The following MYZAP variants were observed in gnomAD, a reference collection of about 807,000 sequenced individuals.
MYZAP encodes the protein myocardial zonula adherens protein.
MYZAP carries 66 observed loss-of-function variants against 69.4 expected under a neutral mutation model. The ratio of observed to expected loss-of-function variants is 0.95; its 90% CI spans 0.78 to 1.17. The LOEUF is 1.17. MYZAP is among the 50% of genes most tolerant of loss of function. MYZAP has a pLI of 0.00. For missense variants in MYZAP, 611 were observed against 556.2 expected, an observed-to-expected ratio of 1.10 and a Z score of -0.99; for synonymous variants, 256 against 205.9, an observed-to-expected ratio of 1.24 and a Z score of -2.09.
At chr15:57,631,129 G>T (rs1337021152) in intron 6 of MYZAP, among the ~76,000 whole-genome samples, 1 of 152,038 alleles carries the variant, frequency 6.6e-6, no homozygotes, top group East Asian at 1.9e-4. Flanking sequence ...TTACTTGGGG[G>T]GTGAAAAAAG....
At chr15:57,683,641 A>G (rs1193916355) in intron 12 of MYZAP, among the ~76,000 whole-genome samples, 1 of 152,162 alleles carries the variant, frequency 6.6e-6, no homozygotes, top group African/African-American at 2.4e-5. Context: ...TAAACAACAG[A>G]AATTTTTTTC....
intron 10 of MYZAP, chr15:57,646,411 C>T (rs1473570777): frequency 9.1e-7 from 1 of 1,093,818 alleles, no homozygotes; most frequent in Non-Finnish European, 1.1e-6. Flanking sequence ...CCTCAAACTG[C>T]AGAGTCAAGA....
At chr15:57,679,382 C>T (rs866251861) in intron 12 of MYZAP, among the ~76,000 whole-genome samples, 568 of 54,424 alleles carry the variant, frequency 0.01, 6 homozygotes, top group African/African-American at 0.021. Flanking sequence ...GTGTTTCTCT[C>T]TCTCTCTCTC....
intron 12 of MYZAP, among the ~76,000 whole-genome samples, chr15:57,679,711 A>G (rs1006414257): frequency 7.2e-5 from 11 of 151,842 alleles, no homozygotes; most frequent in Admixed American, 4.6e-4. Context: ...ACATGGCTCT[A>G]TCTTGGTTCC....
At position 57,603,048 on chromosome 15, in the gene MYZAP, C is replaced by T. The variant is rs181612881; in HGVS notation, c.76-1221C>T. On this transcript the variant is annotated intron_variant, in intron 1 of 12. Transcript: ENST00000267853. ...GCTTCTCTCACTGAGTGGTATAATG[C>T]TTTTTTATTTTTAACAGAAATGGTG... 5.1e-3 allele frequency among the ~76,000 whole-genome samples: 783 copies of T among 152,120 alleles called. 12 individuals carry two copies. Among genetic ancestry groups the T allele is most frequent in the African/African-American group, 0.018 (740 of 41,494 alleles).
rs770540454 is a variant in MYZAP, at chr15:57,593,212, A to ACACACACACACACACACACACACCCC, written c.75+1106_75+1107insACACACACACACACACACACCCCCAC. Among the ~76,000 whole-genome samples, 3 of 124,908 alleles carry ACACACACACACACACACACACACCCC rather than the reference A, an allele frequency of 2.4e-5. 1 individual carries two copies. The highest frequency in any genetic ancestry group is 1.0e-4 in the African/African-American group (3 of 29,412). The allele number at this position is 124,908 out of a possible 152,430, so 81.9% of individuals were successfully genotyped here. On this transcript the variant is annotated intron_variant, in intron 1 of 12. Coordinates refer to ENST00000267853, the MANE Select transcript of MYZAP (RefSeq NM_001018100.5). ...CGCACACACACACACACACACACACACACCCCAGAATCCATCAGTTGGCTC... is the reference window on the plus strand; with the variant it reads ...CGCACACACACACACACACACACACACACACACACACACACACACACACCCCCACCCCAGAATCCATCAGTTGGCTC...
chr15:57,644,859 C>A (rs895649419), intron 10 of MYZAP, among the ~76,000 whole-genome samples: 6 of 152,154 alleles, frequency 3.9e-5, no homozygotes, highest in Non-Finnish European at 8.8e-5. Context: ...AGAGATGTTA[C>A]TAAGGTGGGA....
intron 10 of MYZAP, among the ~76,000 whole-genome samples, chr15:57,640,892 T>G (rs2037113218): frequency 6.6e-6 from 1 of 152,208 alleles, no homozygotes; most frequent in Non-Finnish European, 1.5e-5. Flanking sequence ...CCCATAACAG[T>G]AATGCGGAGG....
At chr15:57,636,864 A>C (rs2036847760) in intron 8 of MYZAP, among the ~76,000 whole-genome samples, 1 of 152,220 alleles carries the variant, frequency 6.6e-6, no homozygotes, top group South Asian at 2.1e-4. Flanking sequence ...TAGTGGCTTA[A>C]AACAACACAA....
At chr15:57,659,569 G>T (rs928336584) in intron 10 of MYZAP, among the ~76,000 whole-genome samples, 1 of 152,136 alleles carries the variant, frequency 6.6e-6, no homozygotes, top group African/African-American at 2.4e-5. Context: ...AATAACTTCA[G>T]TGTTACTGCT....
chr15:57,631,142 T>C (rs1469012097), intron 6 of MYZAP, among the ~76,000 whole-genome samples: 2 of 151,918 alleles, frequency 1.3e-5, no homozygotes, highest in East Asian at 3.9e-4. Flanking sequence ...GAAAAAAGTT[T>C]ATGTTGCTAA....
intron 5 of MYZAP, among the ~76,000 whole-genome samples, chr15:57,628,850 C>T (rs894162505): frequency 3.3e-5 from 5 of 151,746 alleles, no homozygotes; most frequent in Admixed American, 1.3e-4. Flanking sequence ...TTTGGGAGGC[C>T]GAGTCAGGTG....
intron 2 of MYZAP, among the ~76,000 whole-genome samples, chr15:57,606,423 TA>T (rs1452887509): frequency 6.6e-6 from 1 of 152,144 alleles, no homozygotes; most frequent in African/African-American, 2.4e-5. Context: ...ATGTTATTTT[TA>T]AAAAAGATGA....
chr15:57,618,026 C>A lies in MYZAP; in HGVS notation c.163-7C>A, dbSNP rs199944789. 98 of 1,606,124 alleles carry A rather than the reference C, an allele frequency of 6.1e-5. No homozygotes were observed. Among genetic ancestry groups the A allele is most frequent in the Non-Finnish European group, 7.4e-5 (87 of 1,178,086 alleles). ...TATTCTTTTTTTCTTTTCCTACTTT[C>A]TTTTAGCTTCTTGACCTGAGCAATG... On this transcript the variant is annotated splice_polypyrimidine_tract_variant and splice_region_variant and intron_variant, in intron 2 of 12. Coordinates refer to ENST00000267853, the MANE Select transcript of MYZAP (RefSeq NM_001018100.5).
At chr15:57,622,953 C>G (rs12900224) in intron 4 of MYZAP, among the ~76,000 whole-genome samples, 28,599 of 152,072 alleles carry the variant, frequency 0.19, 3,008 homozygotes, top group Non-Finnish European at 0.24. Flanking sequence ...ATAATAGGCT[C>G]ATTTTCTGAA....
At chr15:57,623,896 A>G (rs1236537552) in intron 4 of MYZAP, among the ~76,000 whole-genome samples, 1 of 152,094 alleles carries the variant, frequency 6.6e-6, no homozygotes, top group African/African-American at 2.4e-5. Context: ...GAAAATATGT[A>G]GGAAAAAATT....
At chr15:57,661,581 T>A (rs755910969) in intron 11 of MYZAP, 48 bp downstream of exon 11, 2 of 1,501,914 alleles carry the variant, frequency 1.3e-6, no homozygotes, top group African/African-American at 2.8e-5. Flanking sequence ...ACCATTAAAT[T>A]TTATGTTGCT....
At chr15:57,665,689 A>G (rs1474348671) in intron 11 of MYZAP, among the ~76,000 whole-genome samples, 1 of 152,186 alleles carries the variant, frequency 6.6e-6, no homozygotes, top group Non-Finnish European at 1.5e-5. Flanking sequence ...GGTTAATGAA[A>G]GCGGAAGACA....
rs1261838358 is a variant in MYZAP, at chr15:57,675,002, C to T, written c.1238C>T (p.Thr413Ile). Residue 413 changes from threonine (T) to isoleucine (I), a missense_variant, in exon 12 of 13, where the codon ACA becomes ATA. Thr to Ile is a moderately conservative substitution (Grantham distance 89, BLOSUM62 -1). Coordinates refer to ENST00000267853, the MANE Select transcript of MYZAP (RefSeq NM_001018100.5). ...NELQSRLDYL[T>I]ETQAKTEVET... The stretch of plus-strand genomic sequence containing the variant: ...CTACAAAGCAGGTTGGACTATTTAA[C>T]AGAAACCCAGGCCAAGACCGAAGTG... 1 of 1,613,650 alleles carries T rather than the reference C, an allele frequency of 6.2e-7. No homozygotes were observed. Among genetic ancestry groups the T allele is most frequent in the Non-Finnish European group, 8.5e-7 (1 of 1,179,638 alleles).
Sources: allele counts gnomAD v4.1 joint callset (sites outside exome capture counted in the v4.1 genomes callset), GRCh38; gene constraint gnomAD v4.1.1; transcripts MANE v1.5; gene names NCBI Gene and HGNC (gene_info 2026-07-23, HGNC 2026-07-21).